Variants in EPC1 observed in about 807,000 individuals in gnomAD.
EPC1 encodes the protein enhancer of polycomb homolog 1.
In EPC1, 12 loss-of-function variants were observed where a neutral mutation model predicts 98.4. The ratio of observed to expected loss-of-function variants is 0.12; its 90% CI spans 0.08 to 0.20. The LOEUF is 0.20. Ranked by LOEUF, EPC1 falls within the 10% of genes least tolerant of loss-of-function variation. EPC1 has a pLI of 1.00. For missense variants in EPC1, 729 were observed against 990.5 expected (o/e 0.74, Z 3.54); for synonymous variants, 357 against 363.9 (o/e 0.98, Z 0.21).
At chr10:32,334,125 C>T (rs1837807505) in intron 1 of EPC1, among the ~76,000 whole-genome samples, 1 of 152,220 alleles carries the variant, frequency 6.6e-6, no homozygotes, top group Non-Finnish European at 1.5e-5. Context: ...GGAATTGAGA[C>T]TCACCTAAGG....
intron 1 of EPC1, among the ~76,000 whole-genome samples, chr10:32,369,003 C>T (rs1156862568): frequency 3.3e-5 from 5 of 152,158 alleles, no homozygotes; most frequent in Non-Finnish European, 5.9e-5. Flanking sequence ...CAGACAAAGC[C>T]GTGTACTTCA....
chr10:32,301,883 G>A (rs1592570747), intron 2 of EPC1, among the ~76,000 whole-genome samples: 2 of 152,096 alleles, frequency 1.3e-5, no homozygotes, highest in Admixed American at 6.5e-5. Flanking sequence ...GATCCATTAC[G>A]AGGAAAATTG....
At chr10:32,296,838 C>A (rs757396172) in intron 2 of EPC1, among the ~76,000 whole-genome samples, 3 of 151,136 alleles carry the variant, frequency 2.0e-5, no homozygotes, top group Non-Finnish European at 2.9e-5. Flanking sequence ...ACCCGGGAGG[C>A]GGAGGTTGCA....
chr10:32,294,608 C>T (rs1030268453), intron 2 of EPC1, among the ~76,000 whole-genome samples: 29 of 152,182 alleles, frequency 1.9e-4, no homozygotes, highest in African/African-American at 5.8e-4. Context: ...TGTTTCTCTA[C>T]GCGAACACTG....
chr10:32,271,514 T>G (rs371751651), intron 13 of EPC1, 40 bp downstream of exon 13: 48 of 1,588,008 alleles, frequency 3.0e-5, no homozygotes, highest in South Asian at 1.1e-4. Context: ...TGAAGTTAGA[T>G]CTCTTATTCC....
chr10:32,331,665 A>C (rs1315906878), intron 1 of EPC1, among the ~76,000 whole-genome samples: 1 of 152,258 alleles, frequency 6.6e-6, no homozygotes, highest in Non-Finnish European at 1.5e-5. Flanking sequence ...GGGACTTTAA[A>C]AAAGACTACC....
intron 1 of EPC1, among the ~76,000 whole-genome samples, chr10:32,369,791 T>C (rs1336216821): frequency 6.6e-6 from 1 of 152,216 alleles, no homozygotes; most frequent in Non-Finnish European, 1.5e-5. Flanking sequence ...ACTTAAGAGT[T>C]ACCATGTTTA....
At chr10:32,274,121 C>CT (rs1381403619) in intron 10 of EPC1, 2 of 150,918 alleles carry the variant, frequency 1.3e-5, no homozygotes, top group Non-Finnish European at 3.0e-5. Context: ...ACCTTTTTCT[C>CT]TTTTTTGCCA....
chr10:32,364,458 T>C (rs1447914709), intron 1 of EPC1, among the ~76,000 whole-genome samples: 1 of 152,228 alleles, frequency 6.6e-6, no homozygotes, highest in African/African-American at 2.4e-5. Flanking sequence ...TTAACTGTAT[T>C]ACAAAGTTAT....
At chr10:32,356,569 CA>C (rs1412859957) in intron 1 of EPC1, among the ~76,000 whole-genome samples, 1 of 151,998 alleles carries the variant, frequency 6.6e-6, no homozygotes, top group Non-Finnish European at 1.5e-5. Flanking sequence ...CGAGGAGAAT[CA>C]AAAAGAATGA....
intron 1 of EPC1, among the ~76,000 whole-genome samples, chr10:32,307,048 T>C (rs557938207): frequency 6.6e-6 from 1 of 152,354 alleles, no homozygotes; most frequent in East Asian, 1.9e-4. Flanking sequence ...TATAAATGGA[T>C]ATAAGATATA....
intron 10 of EPC1, among the ~76,000 whole-genome samples, chr10:32,273,680 G>T (rs1165493427): frequency 6.6e-6 from 1 of 151,904 alleles, no homozygotes; most frequent in African/African-American, 2.4e-5. Flanking sequence ...ATTACATTTG[G>T]TTTCTATTTA....
intron 1 of EPC1, 56 bp downstream of exon 1, chr10:32,346,707 C>T (rs1306294047): frequency 2.0e-6 from 3 of 1,534,756 alleles, no homozygotes; most frequent in African/African-American, 2.7e-5. Flanking sequence ...GCCGCCGCCG[C>T]AGGCAGCAGA....
At chr10:32,367,761 C>T (rs1218588857) in intron 1 of EPC1, among the ~76,000 whole-genome samples, 1 of 152,172 alleles carries the variant, frequency 6.6e-6, no homozygotes, top group African/African-American at 2.4e-5. Flanking sequence ...AATAAGCAGA[C>T]AACTGCCTGT....
chr10:32,346,617 G>A (rs1838839027), intron 1 of EPC1, 146 bp downstream of exon 1: 3 of 792,310 alleles, frequency 3.8e-6, no homozygotes, highest in South Asian at 3.5e-5. Context: ...GCTGGGGGAG[G>A]CGGGGTATAG....
At chr10:32,295,950 GTC>G (rs996182852) in intron 2 of EPC1, among the ~76,000 whole-genome samples, 2 of 150,452 alleles carry the variant, frequency 1.3e-5, no homozygotes, top group Non-Finnish European at 3.0e-5. Flanking sequence ...CTGAGACAGA[GTC>G]TCTCTCTGTC....
At chr10:32,286,421 TTC>T (rs1836681590) in intron 9 of EPC1, 1 of 449,684 alleles carries the variant, frequency 2.2e-6, no homozygotes, top group African/African-American at 1.9e-5. Flanking sequence ...CTGTTGCCCT[TTC>T]TCACAATTCT....
At chr10:32,349,574 A>AAAAC (rs71515555), upstream of EPC1, among the ~76,000 whole-genome samples, 1 of 151,320 alleles carries the variant, frequency 6.6e-6, no homozygotes, top group Middle Eastern at 3.5e-3. Flanking sequence ...TTATAAAATT[A>AAAAC]AAACAAACAA....
intron 6 of EPC1, 26 bp from the exon 7 acceptor site, chr10:32,287,300 T>C: frequency 6.2e-7 from 1 of 1,610,988 alleles, no homozygotes. Context: ...GAATTAATTA[T>C]ACACCAGAAA....
Sources: allele counts gnomAD v4.1 joint callset (sites outside exome capture counted in the v4.1 genomes callset), GRCh38; gene constraint gnomAD v4.1.1; transcripts MANE v1.5; gene names NCBI Gene and HGNC (gene_info 2026-07-23, HGNC 2026-07-21).